Variants in STRN observed in about 807,000 individuals in gnomAD.
The protein encoded by STRN is protein phosphatase 2 regulatory subunit B'''alpha.
A neutral mutation model predicts 96.3 loss-of-function variants in STRN; 53 were observed. The ratio of observed to expected loss-of-function variants is 0.55; its 90% CI spans 0.44 to 0.69. STRN has a LOEUF of 0.69. Ranked by LOEUF, STRN falls within the 30% of genes least tolerant of loss-of-function variation. STRN has a pLI of 0.00. For synonymous variants in STRN, 428 were observed against 355.9 expected, an observed-to-expected ratio of 1.20 and a Z score of -2.28; for missense variants, 987 against 963.9, an observed-to-expected ratio of 1.02 and a Z score of -0.32.
Position 36,910,436 on chromosome 2 carries a change from A to G in STRN, c.413-4818T>C, listed in dbSNP as rs530052724. On this transcript the variant is annotated intron_variant, in intron 3 of 17. Transcript: ENST00000263918. ...TATCACATACATAGAAGTAAAATGC[A>G]TGACAACAATAGCACAAAGACTGGG... Among the ~76,000 whole-genome samples, 217 of 152,320 alleles carry G rather than the reference A, an allele frequency of 1.4e-3. 1 individual carries two copies. Among genetic ancestry groups the G allele is most frequent in the Middle Eastern group, 0.01 (3 of 294 alleles).
Position 36,966,360 on chromosome 2 carries a change from T to C in STRN, c.104A>G (p.Asp35Gly). Residue 35 changes from aspartate (D) to glycine (G), a missense_variant, in exon 1 of 18, where the codon GAC becomes GGC. Transcript: ENST00000263918. ...GPLAEAAAAG[D>G]GAAAAGAARA... ...GGCCGCCCCCGCCGCAGCCGCCCCGTCGCCGGCCGCGGCAGCCTCCGCCAG... is the reference window on the plus strand; with the variant it reads ...GGCCGCCCCCGCCGCAGCCGCCCCGCCGCCGGCCGCGGCAGCCTCCGCCAG... 5.4e-6 allele frequency: 8 copies of C among 1,472,058 alleles called. No homozygotes were observed. The highest frequency in any genetic ancestry group is 5.3e-5 in the South Asian group (4 of 75,756). The allele number at this position is 1,472,058 out of a possible 1,614,324, so 91.2% of individuals were successfully genotyped here.
intron 9 of STRN, among the ~76,000 whole-genome samples, chr2:36,881,636 G>C (rs935271668): frequency 4.6e-5 from 7 of 152,170 alleles, no homozygotes; most frequent in African/African-American, 1.7e-4. Context: ...GCTGCAGATA[G>C]TAAGTTAAAC....
At chr2:36,855,943 A>C (rs1257512070) in intron 14 of STRN, among the ~76,000 whole-genome samples, 1 of 152,092 alleles carries the variant, frequency 6.6e-6, no homozygotes, top group Non-Finnish European at 1.5e-5. Context: ...GAAACATATA[A>C]AGTGAATATA....
chr2:36,859,688 A>C (rs1668429861), intron 13 of STRN, among the ~76,000 whole-genome samples: 1 of 152,200 alleles, frequency 6.6e-6, no homozygotes, highest in African/African-American at 2.4e-5. Context: ...TATAAATGTC[A>C]ATATTTAAGG....
At position 36,902,635 on chromosome 2, in the gene STRN, TC is replaced by T; in HGVS notation, c.607del (p.Asp203ThrfsTer4). On this transcript the variant is annotated frameshift_variant, in exon 5 of 18. Transcript: ENST00000263918. LOFTEE classifies it high-confidence loss of function. ...AGCCTCTGTGCCATTTACAACTGAG[TC>T]CTGATTTTTGTCATCTTCCCTGTCC... ...VTDREDDKNQ[D>X]SVVNGTEAEV... is the part of the protein sequence containing the mutation. The T allele has an allele frequency of 6.2e-7, 1 of 1,611,962 alleles. No individual in the cohort carries two copies. Among genetic ancestry groups the T allele is most frequent in the Non-Finnish European group, 8.5e-7 (1 of 1,178,574 alleles).
At chr2:36,859,149 A>C (rs1668418374) in intron 13 of STRN, among the ~76,000 whole-genome samples, 1 of 152,320 alleles carries the variant, frequency 6.6e-6, no homozygotes, top group South Asian at 2.1e-4. Flanking sequence ...ATATTAAGGA[A>C]CTTGGAAATT....
chr2:36,862,248 T>G (rs1322754843), intron 12 of STRN, among the ~76,000 whole-genome samples: 1 of 152,236 alleles, frequency 6.6e-6, no homozygotes, highest in Non-Finnish European at 1.5e-5. Context: ...TATAGCAGAA[T>G]GATTTATATT....
intron 12 of STRN, among the ~76,000 whole-genome samples, chr2:36,865,829 G>C (rs2148144693): frequency 6.6e-6 from 1 of 152,070 alleles, no homozygotes; most frequent in African/African-American, 2.4e-5. Flanking sequence ...CAAAGTGCTG[G>C]AATTACAGGT....
chr2:36,849,834 G>A, intron 16 of STRN, 34 bp from the exon 17 acceptor site: 3 of 1,595,586 alleles, frequency 1.9e-6, no homozygotes, highest in Non-Finnish European at 2.6e-6. Flanking sequence ...CCTTATTAAT[G>A]CCTTTCCTCA....
intron 2 of STRN, among the ~76,000 whole-genome samples, chr2:36,923,268 G>A (rs1384053631): frequency 6.6e-6 from 1 of 151,376 alleles, no homozygotes; most frequent in East Asian, 1.9e-4. Context: ...GACCAATATG[G>A]TGAAACCCTG....
chr2:36,855,759 A>G (rs1255266670), intron 14 of STRN, among the ~76,000 whole-genome samples: 2 of 152,222 alleles, frequency 1.3e-5, no homozygotes, highest in Non-Finnish European at 2.9e-5. Flanking sequence ...AGAGAAATTA[A>G]AAAGTAAAAT....
intron 6 of STRN, among the ~76,000 whole-genome samples, chr2:36,895,137 C>T (rs1400484521): frequency 6.6e-6 from 1 of 152,042 alleles, no homozygotes; most frequent in Non-Finnish European, 1.5e-5. Context: ...ACCATCCTGG[C>T]TAACACGGTG....
chr2:36,839,697 T>C lies in STRN; in HGVS notation c.*9759A>G, dbSNP rs1667901965. On this transcript the variant is annotated 3_prime_UTR_variant, in exon 18 of 18. Transcript: ENST00000263918. ...CAGGCCAAATTCCTGCTTTCTTCTG[T>C]GTTGAACTGATCTTAAAGGAATCAT... Among the ~76,000 whole-genome samples, 1 of 152,214 alleles carries C rather than the reference T, an allele frequency of 6.6e-6. No homozygotes were observed. Among genetic ancestry groups the C allele is most frequent in the African/African-American group, 2.4e-5 (1 of 41,452 alleles).
intron 1 of STRN, 150 bp downstream of exon 1, chr2:36,966,080 G>A (rs1418229865): frequency 4.5e-6 from 4 of 880,768 alleles, no homozygotes; most frequent in South Asian, 2.1e-5. Context: ...AAAAGGCGAA[G>A]AGAAGAAGGG....
intron 1 of STRN, among the ~76,000 whole-genome samples, chr2:36,955,994 C>A (rs947357441): frequency 4.6e-5 from 7 of 152,146 alleles, no homozygotes; most frequent in Admixed American, 4.6e-4. Context: ...CTGCAACCTG[C>A]CACACGAGGT....
chr2:36,947,544 AACATATATATTATTT>A (rs1431205279), intron 1 of STRN, among the ~76,000 whole-genome samples: 4 of 148,778 alleles, frequency 2.7e-5, no homozygotes, highest in African/African-American at 9.8e-5. Flanking sequence ...ATAACTCGGG[AACATATATATTATTT>A]ACATATATAT....
At position 36,845,803 on chromosome 2, in the gene STRN, T is replaced by A. The variant is rs945809405; in HGVS notation, c.*3653A>T. 2 of 151,836 alleles carry A rather than the reference T, an allele frequency of 1.3e-5. No homozygotes were observed. Among genetic ancestry groups the A allele is most frequent in the African/African-American group, 4.8e-5 (2 of 41,288 alleles). The allele number at this position is 151,836 out of a possible 1,614,324, so 9.4% of individuals were successfully genotyped here. ...TCAGAAGAGCACAAAGCGCATGAAA[T>A]GTCCCCTGAAGTCCTAGAAGTTGAG... On this transcript the variant is annotated 3_prime_UTR_variant, in exon 18 of 18. Transcript: ENST00000263918.
chr2:36,876,510 G>C (rs1668916114), intron 10 of STRN, among the ~76,000 whole-genome samples: 1 of 152,034 alleles, frequency 6.6e-6, no homozygotes. Context: ...GAAGAGGAGT[G>C]AGTGGTAAGC....
At chr2:36,940,333 A>C (rs1456733808) in intron 1 of STRN, among the ~76,000 whole-genome samples, 1 of 152,226 alleles carries the variant, frequency 6.6e-6, no homozygotes, top group East Asian at 1.9e-4. Flanking sequence ...TCTACTCAGA[A>C]ACAAATGGCA....
Sources: allele counts gnomAD v4.1 joint callset (sites outside exome capture counted in the v4.1 genomes callset), GRCh38; gene constraint gnomAD v4.1.1; transcripts MANE v1.5; gene names NCBI Gene and HGNC (gene_info 2026-07-23, HGNC 2026-07-21).